TTLL11: variants seen among roughly 807,000 people sequenced by gnomAD.
The protein encoded by TTLL11 is tubulin polyglutamylase TTLL11.
A neutral mutation model predicts 51.7 loss-of-function variants in TTLL11; 42 were observed. That is an observed-to-expected ratio of 0.81 (90% CI 0.64 to 1.05). The LOEUF (loss-of-function observed/expected upper bound fraction) is 1.05, where lower values mean the gene tolerates loss of function less well. Ranked by LOEUF, TTLL11 falls within the 50% of genes least tolerant of loss-of-function variation. TTLL11 has a pLI of 0.00. For missense variants in TTLL11, 799 were observed against 940.4 expected, an observed-to-expected ratio of 0.85 and a Z score of 1.97; for synonymous variants, 381 against 383.5, an observed-to-expected ratio of 0.99 and a Z score of 0.08.
At chr9:121,981,313 T>C (rs150127081) in intron 4 of TTLL11, among the ~76,000 whole-genome samples, 316 of 152,248 alleles carry the variant, frequency 2.1e-3, no homozygotes, top group Non-Finnish European at 3.9e-3. Flanking sequence ...TCACTGATGA[T>C]TTCTTCTTCA....
intron 7 of TTLL11, among the ~76,000 whole-genome samples, chr9:121,861,203 G>A (rs1364316743): frequency 2.0e-5 from 3 of 151,050 alleles, no homozygotes; most frequent in Admixed American, 1.3e-4. Flanking sequence ...TTCTCCCTAC[G>A]TCTGTCCCCT....
At chr9:121,840,522 G>C (rs1206064473) in intron 8 of TTLL11, among the ~76,000 whole-genome samples, 2 of 152,116 alleles carry the variant, frequency 1.3e-5, no homozygotes, top group African/African-American at 4.8e-5. Context: ...CAGCCTTCCA[G>C]GTAGCTGGGA....
chr9:121,894,940 A>G (rs1440544353), intron 6 of TTLL11, among the ~76,000 whole-genome samples: 1 of 152,136 alleles, frequency 6.6e-6, no homozygotes, highest in Non-Finnish European at 1.5e-5. Context: ...TCAAGGTCCA[A>G]TCCCTAAAAA....
chr9:121,889,909 G>A (rs187029743), intron 6 of TTLL11, among the ~76,000 whole-genome samples: 593 of 151,064 alleles, frequency 3.9e-3, no homozygotes, highest in African/African-American at 0.011. Flanking sequence ...TGGGCGGGGC[G>A]GGGGGGGAGG....
rs551765921 is a variant in TTLL11, at chr9:121,891,358, A to G, written c.1482-20610T>C. ...ATCAGAGATCACATACGATATGTAC[A>G]ACATCTGCCACCGTGCCTGGCACAG... On this transcript the variant is annotated intron_variant, in intron 6 of 8. Coordinates refer to ENST00000321582, the MANE Select transcript of TTLL11 (RefSeq NM_001139442.2). Among the ~76,000 whole-genome samples the G allele has an allele frequency of 6.6e-5, 10 of 152,322 alleles. 1 individual carries two copies. In the South Asian group the frequency reaches 1.9e-3, roughly 28 times the overall value.
chr9:121,868,880 C>T (rs1258402979), intron 7 of TTLL11, among the ~76,000 whole-genome samples: 1 of 152,192 alleles, frequency 6.6e-6, no homozygotes, highest in East Asian at 1.9e-4. Flanking sequence ...AACCACAAGA[C>T]TCCCACTGAA....
At chr9:122,013,223 C>A (rs1843866982) in intron 3 of TTLL11, among the ~76,000 whole-genome samples, 1 of 152,188 alleles carries the variant, frequency 6.6e-6, no homozygotes, top group Non-Finnish European at 1.5e-5. Flanking sequence ...GACCCCAAAC[C>A]CTTGCCTCAC....
chr9:121,886,180 A>G lies in TTLL11; in HGVS notation c.1482-15432T>C, dbSNP rs191420071. Among the ~76,000 whole-genome samples, 107 of 152,318 alleles carry G rather than the reference A, an allele frequency of 7.0e-4. 1 individual carries two copies. The highest frequency in any genetic ancestry group is 2.5e-3 in the African/African-American group (105 of 41,574). On this transcript the variant is annotated intron_variant, in intron 6 of 8. Coordinates refer to ENST00000321582, the MANE Select transcript of TTLL11 (RefSeq NM_001139442.2). ...CTGACCAGCCTGGGTTCCGTGCCCTATGAGACCCCTTCTCCATATGTGACT... is the reference window on the plus strand; with the variant it reads ...CTGACCAGCCTGGGTTCCGTGCCCTGTGAGACCCCTTCTCCATATGTGACT...
chr9:121,946,511 C>A (rs1221085867), intron 6 of TTLL11, among the ~76,000 whole-genome samples: 1 of 152,170 alleles, frequency 6.6e-6, no homozygotes, highest in African/African-American at 2.4e-5. Flanking sequence ...CTGGGGCCAG[C>A]CTTCAAGATT....
rs1836520626 is a variant in TTLL11, at chr9:121,819,787, T to C, written c.*2800A>G. Among the ~76,000 whole-genome samples, 1 of 152,132 alleles carries C rather than the reference T, an allele frequency of 6.6e-6. No individual in the cohort carries two copies. The highest frequency in any genetic ancestry group is 1.5e-5 in the Non-Finnish European group (1 of 68,024). The stretch of plus-strand genomic sequence containing the variant: ...TCTCGGAGGAAGGAACCATCTGCTT[T>C]TGCTATCGTTTCAATTACATCCAAT... On this transcript the variant is annotated 3_prime_UTR_variant, in exon 9 of 9. Transcript: ENST00000321582.
chr9:121,833,389 G>A (rs1352447343), intron 8 of TTLL11, among the ~76,000 whole-genome samples: 1 of 152,190 alleles, frequency 6.6e-6, no homozygotes, highest in African/African-American at 2.4e-5. Flanking sequence ...CCACTCCCGG[G>A]AAGGCATCGT....
intron 6 of TTLL11, among the ~76,000 whole-genome samples, chr9:121,896,182 T>G (rs1839516856): frequency 6.6e-6 from 1 of 152,158 alleles, no homozygotes; most frequent in Admixed American, 6.5e-5. Context: ...CGTTAAATTC[T>G]GCCTCTGGCT....
chr9:122,053,388 G>C (rs1845212689), intron 1 of TTLL11, among the ~76,000 whole-genome samples: 1 of 152,138 alleles, frequency 6.6e-6, no homozygotes, highest in East Asian at 1.9e-4. Flanking sequence ...CAGCAGAGAT[G>C]TCCCACGTGC....
chr9:121,990,331 T>C (rs1384548757), intron 3 of TTLL11, among the ~76,000 whole-genome samples: 1 of 152,244 alleles, frequency 6.6e-6, no homozygotes, highest in Non-Finnish European at 1.5e-5. Context: ...TTAAGTTATC[T>C]ACACCCTTTC....
chr9:122,091,012 C>T (rs933659844), intron 1 of TTLL11, among the ~76,000 whole-genome samples: 4 of 152,206 alleles, frequency 2.6e-5, no homozygotes, highest in Non-Finnish European at 4.4e-5. Context: ...GCAAGGGTCA[C>T]ATCTTAAGTA....
intron 6 of TTLL11, among the ~76,000 whole-genome samples, chr9:121,968,217 C>T (rs995627790): frequency 3.9e-5 from 6 of 152,330 alleles, no homozygotes; most frequent in African/African-American, 7.2e-5. Context: ...AGAGCCTCCA[C>T]GGAACCTTGG....
chr9:122,071,190 T>C (rs1044111432), intron 1 of TTLL11, among the ~76,000 whole-genome samples: 3 of 152,140 alleles, frequency 2.0e-5, no homozygotes, highest in Middle Eastern at 3.2e-3. Flanking sequence ...ATGTGAATAG[T>C]CTCTTTAGGA....
At chr9:122,071,367 C>G (rs1024580752) in intron 1 of TTLL11, among the ~76,000 whole-genome samples, 2 of 152,200 alleles carry the variant, frequency 1.3e-5, no homozygotes, top group Non-Finnish European at 2.9e-5. Flanking sequence ...AATCTCTCCC[C>G]GCTGCTTTGG....
chr9:121,862,992 C>T (rs766271783), intron 7 of TTLL11, among the ~76,000 whole-genome samples: 10 of 152,276 alleles, frequency 6.6e-5, no homozygotes, highest in Non-Finnish European at 1.0e-4. Flanking sequence ...GGTGCCCAGA[C>T]GAGCCTGGTG....
Sources: gnomAD v4.1 joint callset for allele counts (sites outside exome capture counted in the v4.1 genomes callset) on GRCh38, gnomAD v4.1.1 for gene constraint, MANE v1.5 for transcripts, NCBI Gene and HGNC (gene_info 2026-07-23, HGNC 2026-07-21) for gene names.